KDM4C: variants seen among roughly 807,000 people sequenced by gnomAD.
The protein encoded by KDM4C is lysine demethylase 4C.
A neutral mutation model predicts 129.3 loss-of-function variants in KDM4C; 81 were observed. The observed-to-expected ratio is 0.63, with a 90% CI of 0.52 to 0.75. The LOEUF is 0.75. Among genes scored for constraint, KDM4C ranks in the 30% least tolerant of loss-of-function variants. The pLI is 0.00. For synonymous variants in KDM4C, 573 were observed against 456.1 expected, an observed-to-expected ratio of 1.26 and a Z score of -3.26; for missense variants, 1,457 against 1,304.0, an observed-to-expected ratio of 1.12 and a Z score of -1.81.
chr9:6,941,854 C>G (rs1300097333), intron 8 of KDM4C: 1 of 140,578 alleles, frequency 7.1e-6, no homozygotes. Context: ...GTGTCTGTGT[C>G]TCTCTCTCTC....
chr9:6,821,013 T>G (rs1392551902), intron 4 of KDM4C, among the ~76,000 whole-genome samples: 3 of 152,128 alleles, frequency 2.0e-5, no homozygotes, highest in Non-Finnish European at 4.4e-5. Flanking sequence ...TAATGATGGT[T>G]TATAGCTCCA....
intron 1 of KDM4C, among the ~76,000 whole-genome samples, chr9:6,781,085 C>G (rs79432374): frequency 6.6e-6 from 1 of 152,030 alleles, no homozygotes; most frequent in Non-Finnish European, 1.5e-5. Context: ...TTCTGAGTCC[C>G]GGGGAAGTGA....
At chr9:6,834,278 C>T (rs901888570) in intron 4 of KDM4C, among the ~76,000 whole-genome samples, 2 of 152,234 alleles carry the variant, frequency 1.3e-5, no homozygotes, top group South Asian at 4.2e-4. Context: ...CTCAAGCAAT[C>T]TGCTCGCCTT....
intron 8 of KDM4C, among the ~76,000 whole-genome samples, chr9:6,942,282 AGTGTGTGTGTGTGTGTGT>A (rs58676459): frequency 7.0e-5 from 10 of 142,712 alleles, no homozygotes; most frequent in Non-Finnish European, 1.2e-4. Context: ...TAGCCCTCAA[AGTGTGTGTGTGTGTGTGT>A]GTGTGTGTGT....
chr9:6,901,376 A>G (rs1387798409), intron 8 of KDM4C, among the ~76,000 whole-genome samples: 1 of 152,166 alleles, frequency 6.6e-6, no homozygotes, highest in African/African-American at 2.4e-5. Context: ...CTTACCTCAC[A>G]TAAGGGATTG....
At chr9:6,728,214 C>A (rs1056862176) in intron 1 of KDM4C, among the ~76,000 whole-genome samples, 5 of 151,920 alleles carry the variant, frequency 3.3e-5, no homozygotes, top group Admixed American at 2.0e-4. Context: ...TGGGTGGGTT[C>A]GTATTTAAAT....
rs184209761 is a variant in KDM4C, at chr9:7,083,469, C to T, written c.2425-20216C>T. Among the ~76,000 whole-genome samples, 25 of 152,232 alleles carry T rather than the reference C, an allele frequency of 1.6e-4. No individual in the cohort carries two copies. In the East Asian group the frequency reaches 4.8e-3, roughly 29 times the overall value. ...AAACATAGAGTGTGCCTATGCAAAC[C>T]TTGATGGCATAGACTACTACACATC... On this transcript the variant is annotated intron_variant, in intron 17 of 21. Coordinates refer to ENST00000381309, the MANE Select transcript of KDM4C (RefSeq NM_015061.6).
At chr9:6,852,572 C>T (rs1173145442) in intron 5 of KDM4C, among the ~76,000 whole-genome samples, 5 of 152,192 alleles carry the variant, frequency 3.3e-5, no homozygotes, top group Non-Finnish European at 7.3e-5. Flanking sequence ...TCCTCTTCTG[C>T]CTGTCCTCTC....
Position 6,885,273 on chromosome 9 carries a change from T to C in KDM4C, c.680-2687T>C, listed in dbSNP as rs188538982. Reference sequence around the variant, plus strand: ...GTCATATAAGTGGAATCATACTATGTGTAGACTTGTTTTTTGCTTTTTTCA... The same window carrying C: ...GTCATATAAGTGGAATCATACTATGCGTAGACTTGTTTTTTGCTTTTTTCA... On this transcript the variant is annotated intron_variant, in intron 6 of 21. Transcript: ENST00000381309. Among the ~76,000 whole-genome samples the C allele has an allele frequency of 3.6e-3, 549 of 152,354 alleles. 2 individuals are homozygous for C. The highest frequency in any genetic ancestry group is 0.012 in the African/African-American group (501 of 41,580).
rs539836692 is a variant in KDM4C, at chr9:6,816,294, G to T, written c.435+1549G>T. Among the ~76,000 whole-genome samples the T allele has an allele frequency of 2.0e-5, 3 of 152,190 alleles. No homozygotes were observed. The South Asian group carries it at 6.2e-4, about 32-fold the overall frequency. ...AGAAAGTGCATAGAACATAAACCTA[G>T]AGCTTTATGAATTATTGTAAAGTGA... On this transcript the variant is annotated intron_variant, in intron 4 of 21. Transcript: ENST00000381309.
At chr9:6,785,246 C>T (rs1342471491) in intron 1 of KDM4C, among the ~76,000 whole-genome samples, 1 of 152,066 alleles carries the variant, frequency 6.6e-6, no homozygotes, top group African/African-American at 2.4e-5. Context: ...TGCCAGGAGT[C>T]CTTGGCATTC....
chr9:6,833,455 G>A (rs767762236), intron 4 of KDM4C, among the ~76,000 whole-genome samples: 15 of 152,082 alleles, frequency 9.9e-5, no homozygotes, highest in Non-Finnish European at 2.1e-4. Context: ...TGACTTACTG[G>A]TTTATCGTTT....
At chr9:6,868,102 T>C (rs1474215998) in intron 5 of KDM4C, among the ~76,000 whole-genome samples, 1 of 151,776 alleles carries the variant, frequency 6.6e-6, no homozygotes, top group Non-Finnish European at 1.5e-5. Context: ...GGTGAGAAGC[T>C]TTCTCGCACC....
chr9:6,880,178 A>AT (rs1180109451), intron 6 of KDM4C, 117 bp downstream of exon 6: 2 of 489,228 alleles, frequency 4.1e-6, no homozygotes, highest in Non-Finnish European at 7.2e-6. Context: ...GTTTTATTCT[A>AT]TTCAAGTTAT....
intron 3 of KDM4C, among the ~76,000 whole-genome samples, chr9:6,812,232 CAA>C (rs113265335): frequency 1.5e-4 from 14 of 96,210 alleles, no homozygotes; most frequent in Non-Finnish European, 1.5e-4. Flanking sequence ...ACAAGACTCT[CAA>C]AAAAAAAAAA....
At chr9:6,843,431 G>A (rs937460624) in intron 4 of KDM4C, among the ~76,000 whole-genome samples, 1 of 152,252 alleles carries the variant, frequency 6.6e-6, no homozygotes, top group Non-Finnish European at 1.5e-5. Context: ...AGGTAGGCAT[G>A]TGTGGATTTA....
chr9:6,897,311 C>T (rs1816623623), intron 8 of KDM4C, among the ~76,000 whole-genome samples: 1 of 152,182 alleles, frequency 6.6e-6, no homozygotes, highest in Non-Finnish European at 1.5e-5. Flanking sequence ...GTTTGACCAT[C>T]CCTGTTTCTA....
chr9:6,787,459 C>T (rs1825721631), intron 1 of KDM4C, among the ~76,000 whole-genome samples: 1 of 152,244 alleles, frequency 6.6e-6, no homozygotes. Flanking sequence ...TCTCAAATTC[C>T]TGACCTCAGG....
intron 12 of KDM4C, among the ~76,000 whole-genome samples, chr9:7,007,102 C>T (rs574155252): frequency 7.9e-4 from 120 of 152,290 alleles, no homozygotes; most frequent in African/African-American, 2.8e-3. Context: ...TTTGTTTAGG[C>T]GCTAGCCCTC....
Sources: allele counts gnomAD v4.1 joint callset (sites outside exome capture counted in the v4.1 genomes callset), GRCh38; gene constraint gnomAD v4.1.1; transcripts MANE v1.5; gene names NCBI Gene and HGNC (gene_info 2026-07-23, HGNC 2026-07-21).